Variants in DLG2 observed in about 807,000 individuals in gnomAD.
DLG2 encodes discs large MAGUK scaffold protein 2.
A neutral mutation model predicts 132.5 loss-of-function variants in DLG2; 45 were observed. The observed-to-expected ratio is 0.34, with a 90% confidence interval of 0.27 to 0.44. DLG2 has a LOEUF of 0.44. Among genes scored for constraint, DLG2 ranks in the 20% least tolerant of loss-of-function variants. The probability of loss-of-function intolerance (pLI) is 1.00; values close to 1 mark genes in which losing one functional copy is unlikely to be tolerated. For missense variants in DLG2, 1,045 were observed against 1,196.9 expected (o/e 0.87, Z 1.87); for synonymous variants, 424 against 419.6 (o/e 1.01, Z -0.13).
chr11:84,528,482 A>C (rs1176754124), intron 7 of DLG2, among the ~76,000 whole-genome samples: 1 of 152,202 alleles, frequency 6.6e-6, no homozygotes, highest in Non-Finnish European at 1.5e-5. Flanking sequence ...TGTGACAGTG[A>C]GATTATTCAG....
intron 7 of DLG2, among the ~76,000 whole-genome samples, chr11:84,320,342 C>A (rs1180165460): frequency 6.6e-6 from 1 of 152,110 alleles, no homozygotes; most frequent in Non-Finnish European, 1.5e-5. Flanking sequence ...GATACAGAAT[C>A]TTTTTCCAGA....
intron 6 of DLG2, among the ~76,000 whole-genome samples, chr11:84,876,436 ATCTATTTCT>A (rs2086362497): frequency 6.6e-6 from 1 of 152,234 alleles, no homozygotes; most frequent in South Asian, 2.1e-4. Context: ...CCAGGAATTT[ATCTATTTCT>A]TCTAGATCTT....
At chr11:85,117,760 G>T (rs1214365960) in intron 5 of DLG2, among the ~76,000 whole-genome samples, 1 of 151,872 alleles carries the variant, frequency 6.6e-6, no homozygotes, top group Non-Finnish European at 1.5e-5. Context: ...CTTTCATCTG[G>T]AATGTGTTCA....
intron 4 of DLG2, among the ~76,000 whole-genome samples, chr11:85,255,289 T>C (rs1565222274): frequency 6.6e-6 from 1 of 152,176 alleles, no homozygotes; most frequent in East Asian, 1.9e-4. Flanking sequence ...TAGCAGTGTT[T>C]TAATTTTACC....
chr11:84,427,117 G>A (rs2098969285), intron 7 of DLG2, among the ~76,000 whole-genome samples: 1 of 152,092 alleles, frequency 6.6e-6, no homozygotes, highest in Non-Finnish European at 1.5e-5. Context: ...CGGAAGCCCA[G>A]GGGGATAGTA....
chr11:85,601,587 C>T (rs923281586), intron 2 of DLG2, among the ~76,000 whole-genome samples: 1 of 152,124 alleles, frequency 6.6e-6, no homozygotes, highest in Non-Finnish European at 1.5e-5. Flanking sequence ...GATCCACCCA[C>T]CTCGGCCTCC....
chr11:84,969,074 CAAA>C (rs375526999), intron 6 of DLG2, among the ~76,000 whole-genome samples: 5 of 111,710 alleles, frequency 4.5e-5, no homozygotes, highest in African/African-American at 3.4e-5. Context: ...TCTTCACTTG[CAAA>C]AAAAAAAAAA....
At chr11:85,481,622 C>G (rs1312449774) in intron 3 of DLG2, among the ~76,000 whole-genome samples, 1 of 152,158 alleles carries the variant, frequency 6.6e-6, no homozygotes, top group Non-Finnish European at 1.5e-5. Context: ...CAGCCCCAAA[C>G]TCCAGGTCTG....
At chr11:84,536,988 C>T (rs997208382) in intron 6 of DLG2, among the ~76,000 whole-genome samples, 1 of 152,152 alleles carries the variant, frequency 6.6e-6, no homozygotes, top group African/African-American at 2.4e-5. Flanking sequence ...GAATCACATG[C>T]TGATAAAGTC....
intron 3 of DLG2, among the ~76,000 whole-genome samples, chr11:85,351,699 G>T (rs1024662088): frequency 1.3e-5 from 2 of 152,186 alleles, no homozygotes; most frequent in African/African-American, 4.8e-5. Flanking sequence ...CTGTTTACGT[G>T]ATGGATTATA....
At chr11:84,624,198 A>G (rs930220634) in intron 6 of DLG2, among the ~76,000 whole-genome samples, 2 of 152,136 alleles carry the variant, frequency 1.3e-5, no homozygotes, top group Admixed American at 1.3e-4. Flanking sequence ...TTTTCAAAGA[A>G]CTTGAGAAAC....
intron 3 of DLG2, among the ~76,000 whole-genome samples, chr11:85,454,824 G>C (rs1406366470): frequency 6.6e-6 from 1 of 151,972 alleles, no homozygotes; most frequent in Admixed American, 6.6e-5. Context: ...TAGTTTTGTG[G>C]AAGATCAGAT....
chr11:83,846,030 C>T (rs1166927605), intron 16 of DLG2, among the ~76,000 whole-genome samples: 1 of 152,122 alleles, frequency 6.6e-6, no homozygotes, highest in Non-Finnish European at 1.5e-5. Context: ...ATCAACATTG[C>T]AAAGCCACAT....
At chr11:83,856,330 T>C (rs138284023) in intron 16 of DLG2, among the ~76,000 whole-genome samples, 31 of 152,302 alleles carry the variant, frequency 2.0e-4, no homozygotes, top group African/African-American at 7.0e-4. Context: ...ACAATTTATA[T>C]TCCTTGGTTA....
At chr11:83,914,215 T>C (rs1469782811) in intron 15 of DLG2, among the ~76,000 whole-genome samples, 1 of 152,052 alleles carries the variant, frequency 6.6e-6, no homozygotes, top group Non-Finnish European at 1.5e-5. Flanking sequence ...TGAGTGAGTT[T>C]TCACTGTTAG....
intron 3 of DLG2, among the ~76,000 whole-genome samples, chr11:85,302,630 C>A (rs1200353664): frequency 6.9e-6 from 1 of 145,940 alleles, no homozygotes. Flanking sequence ...CAATTGGATA[C>A]TCTCACTTGA....
chr11:84,886,673 G>A (rs2088378608), intron 6 of DLG2, among the ~76,000 whole-genome samples: 1 of 152,136 alleles, frequency 6.6e-6, no homozygotes, highest in Admixed American at 6.6e-5. Context: ...TAACCTTAAT[G>A]AAGCAGTTCA....
Position 84,562,907 on chromosome 11 carries a change from T to C in DLG2, c.358-28176A>G, listed in dbSNP as rs192316459. On this transcript the variant is annotated intron_variant, in intron 6 of 27. Transcript: ENST00000376104. ...AGTTGGGACTACAGGCATATGCCAC[T>C]GTACCTGGCTAATTTTTTATTTTTC... 2.9e-3 allele frequency among the ~76,000 whole-genome samples: 436 copies of C among 152,166 alleles called. 9 individuals carry two copies. Among genetic ancestry groups the C allele is most frequent in the Non-Finnish European group, 1.0e-3 (70 of 67,986 alleles).
intron 6 of DLG2, among the ~76,000 whole-genome samples, chr11:84,969,116 T>C (rs574248645): frequency 6.6e-6 from 1 of 152,106 alleles, no homozygotes; most frequent in Non-Finnish European, 1.5e-5. Flanking sequence ...CCCTCCTTTG[T>C]TCTAATCTGA....
Sources: allele counts gnomAD v4.1 joint callset (sites outside exome capture counted in the v4.1 genomes callset), GRCh38; gene constraint gnomAD v4.1.1; transcripts MANE v1.5; gene names NCBI Gene and HGNC (gene_info 2026-07-23, HGNC 2026-07-21).